The following SPNS3 variants were observed in gnomAD, a reference collection of about 807,000 sequenced individuals.
The protein encoded by SPNS3 is SPNS lysolipid transporter 3, sphingosine-1-phosphate (putative), also known as protein spinster homolog 3.
A neutral mutation model predicts 54.4 loss-of-function variants in SPNS3; 51 were observed. The observed-to-expected ratio is 0.94, with a 90% confidence interval of 0.75 to 1.18. The LOEUF is 1.18. Among genes scored for constraint, SPNS3 ranks in the 50% most tolerant of loss-of-function variants. The pLI is 0.00. For synonymous variants in SPNS3, 309 were observed against 294.7 expected, an observed-to-expected ratio of 1.05 and a Z score of -0.50; for missense variants, 669 against 677.4, an observed-to-expected ratio of 0.99 and a Z score of 0.14.
chr17:4,444,975 C>T, intron 2 of SPNS3, 57 bp from the exon 3 acceptor site: 2 of 1,561,242 alleles, frequency 1.3e-6, no homozygotes, highest in Non-Finnish European at 1.7e-6. Context: ...CCTGCTGGGC[C>T]ATCTGCCCTG....
chr17:4,440,105 T>G (rs1454707823), intron 2 of SPNS3, among the ~76,000 whole-genome samples: 8 of 152,112 alleles, frequency 5.3e-5, no homozygotes, highest in Admixed American at 5.2e-4. Flanking sequence ...AAAATCTGAC[T>G]ACTGGGACAC....
chr17:4,450,354 C>CCTCT (rs58694489), intron 7 of SPNS3, among the ~76,000 whole-genome samples: 59,987 of 121,736 alleles, frequency 0.49, 15,413 homozygotes, highest in South Asian at 0.56. Flanking sequence ...CCTCTCCCCT[C>CCTCT]CTCTCTCTCT....
Position 4,441,126 on chromosome 17 carries a change from G to A in SPNS3, c.265+1403G>A, listed in dbSNP as rs560267712. Among the ~76,000 whole-genome samples, 17 of 152,280 alleles carry A rather than the reference G, an allele frequency of 1.1e-4. No homozygotes were observed. In the South Asian group the frequency reaches 1.2e-3, roughly 11 times the overall value. Reference sequence around the variant, plus strand: ...ACAGTTTAAAAAAATACACAACAACGCTGGAAATCCCATCCTTGGCAACGA... The same window carrying A: ...ACAGTTTAAAAAAATACACAACAACACTGGAAATCCCATCCTTGGCAACGA... On this transcript the variant is annotated intron_variant, in intron 2 of 11. Coordinates refer to ENST00000355530, the MANE Select transcript of SPNS3 (RefSeq NM_182538.5).
At chr17:4,450,120 C>A (rs934843596) in intron 7 of SPNS3, among the ~76,000 whole-genome samples, 3 of 151,896 alleles carry the variant, frequency 2.0e-5, no homozygotes, top group Admixed American at 1.3e-4. Flanking sequence ...TCCTCTCTGA[C>A]CCTGTCCTGG....
intron 6 of SPNS3, 98 bp downstream of exon 6, chr17:4,448,401 G>T (rs1447500314): frequency 4.8e-6 from 6 of 1,248,494 alleles, no homozygotes; most frequent in Non-Finnish European, 6.4e-6. Flanking sequence ...AGCCCTCCCT[G>T]GTTGTCCCAG....
chr17:4,468,729 C>CTTTCTT (rs1555531867), intron 8 of SPNS3, among the ~76,000 whole-genome samples: 1 of 137,300 alleles, frequency 7.3e-6, no homozygotes, highest in East Asian at 2.1e-4. Flanking sequence ...TCTTTTCTTT[C>CTTTCTT]TTTCTTTCTT....
rs1167260666 is a variant in SPNS3, at chr17:4,476,836, G to A, written c.1114-1736G>A. On this transcript the variant is annotated intron_variant, in intron 8 of 11. Coordinates refer to ENST00000355530, the MANE Select transcript of SPNS3 (RefSeq NM_182538.5). Reference sequence around the variant, plus strand: ...GGCCAGGAGAGCGCATGGCTGCTGGGACTCCTTGGCTGGTTCTGCTCTCCC... The same window carrying A: ...GGCCAGGAGAGCGCATGGCTGCTGGAACTCCTTGGCTGGTTCTGCTCTCCC... Among the ~76,000 whole-genome samples, 7 of 152,322 alleles carry A rather than the reference G, an allele frequency of 4.6e-5. No homozygotes were observed. In the East Asian group the frequency reaches 7.7e-4, roughly 17 times the overall value.
chr17:4,453,468 A>T (rs1245607269), intron 8 of SPNS3, among the ~76,000 whole-genome samples: 1 of 152,172 alleles, frequency 6.6e-6, no homozygotes, highest in Non-Finnish European at 1.5e-5. Flanking sequence ...AATACAAAAA[A>T]TTAGCTGGGC....
intron 2 of SPNS3, among the ~76,000 whole-genome samples, chr17:4,440,767 A>G (rs1056969022): frequency 3.9e-5 from 6 of 152,190 alleles, no homozygotes; most frequent in Non-Finnish European, 8.8e-5. Context: ...GGACCTTGGG[A>G]GCAAAGCAGA....
chr17:4,447,040 C>A (rs1326655551), intron 5 of SPNS3, 78 bp downstream of exon 5: 2 of 1,531,996 alleles, frequency 1.3e-6, no homozygotes, highest in Non-Finnish European at 1.8e-6. Flanking sequence ...TGACCTTAGC[C>A]ACTTGGCGTA....
chr17:4,449,509 A>G, intron 7 of SPNS3, 122 bp downstream of exon 7: 1 of 1,195,182 alleles, frequency 8.4e-7, no homozygotes, highest in Admixed American at 3.1e-5. Context: ...CTGTGTGAAG[A>G]CAGTGGAGCT....
chr17:4,435,280 G>A (rs760349996), intron 1 of SPNS3, among the ~76,000 whole-genome samples: 16 of 151,506 alleles, frequency 1.1e-4, no homozygotes, highest in East Asian at 7.9e-4. Flanking sequence ...AAAATTAGCC[G>A]AGCATGGTAG....
At chr17:4,461,771 G>A (rs1433002059) in intron 8 of SPNS3, among the ~76,000 whole-genome samples, 4 of 152,166 alleles carry the variant, frequency 2.6e-5, no homozygotes, top group Non-Finnish European at 4.4e-5. Context: ...AGCTGGAACC[G>A]GGGAGGGCCC....
chr17:4,474,198 A>G (rs1294115349), intron 8 of SPNS3, among the ~76,000 whole-genome samples: 1 of 152,158 alleles, frequency 6.6e-6, no homozygotes, highest in African/African-American at 2.4e-5. Flanking sequence ...CTCAGTCCCC[A>G]CCTGCCTGCC....
intron 8 of SPNS3, among the ~76,000 whole-genome samples, chr17:4,475,015 G>C (rs1473293959): frequency 6.6e-6 from 1 of 152,164 alleles, no homozygotes; most frequent in Non-Finnish European, 1.5e-5. Flanking sequence ...GGCCTCGGCT[G>C]TGCGTGTGTC....
At chr17:4,461,769 C>G (rs1432101762) in intron 8 of SPNS3, among the ~76,000 whole-genome samples, 6 of 152,012 alleles carry the variant, frequency 3.9e-5, no homozygotes. Flanking sequence ...GCAGCTGGAA[C>G]CGGGGAGGGC....
chr17:4,443,016 G>A (rs1970891820), intron 2 of SPNS3, among the ~76,000 whole-genome samples: 1 of 152,184 alleles, frequency 6.6e-6, no homozygotes, highest in Admixed American at 6.6e-5. Flanking sequence ...GCCTGCAAGT[G>A]ATCCCTGCAT....
intron 8 of SPNS3, among the ~76,000 whole-genome samples, chr17:4,458,805 A>G (rs12951756): frequency 0.65 from 98,358 of 150,990 alleles, 35,109 homozygotes; most frequent in Non-Finnish European, 0.79. Context: ...GGCATGTGTC[A>G]CTGTGCCTGG....
intron 5 of SPNS3, 21 bp downstream of exon 5, chr17:4,446,983 T>C (rs776266112): frequency 4.3e-5 from 70 of 1,613,344 alleles, no homozygotes; most frequent in Non-Finnish European, 5.9e-5. Flanking sequence ...CTTCCTTTTC[T>C]TCCCTCTGCT....
Sources: allele counts gnomAD v4.1 joint callset (sites outside exome capture counted in the v4.1 genomes callset), GRCh38; gene constraint gnomAD v4.1.1; transcripts MANE v1.5; gene names NCBI Gene and HGNC (gene_info 2026-07-23, HGNC 2026-07-21).